The following PAICS variants were observed in gnomAD, a reference collection of about 807,000 sequenced individuals.
The protein encoded by PAICS is bifunctional phosphoribosylaminoimidazole carboxylase/phosphoribosylaminoimidazole succinocarboxamide synthetase.
In PAICS, 33 loss-of-function variants were observed where a neutral mutation model predicts 53.7. The observed-to-expected ratio is 0.61, with a 90% CI of 0.47 to 0.82. The LOEUF (loss-of-function observed/expected upper bound fraction) is 0.82. Among genes scored for constraint, PAICS ranks in the 40% least tolerant of loss-of-function variants. PAICS has a pLI of 0.00. For synonymous variants in PAICS, 141 were observed against 167.2 expected (o/e 0.84, Z 1.21); for missense variants, 394 against 494.1 (o/e 0.80, Z 1.92).
upstream of PAICS, chr4:56,435,928 G>A: frequency 6.7e-7 from 1 of 1,496,696 alleles, no homozygotes; most frequent in East Asian, 2.9e-5. Flanking sequence ...GTCAAGACTT[G>A]GTACGCTCCA....
At chr4:56,438,348 T>C (rs1718129097) in intron 1 of PAICS, among the ~76,000 whole-genome samples, 4 of 133,852 alleles carry the variant, frequency 3.0e-5, no homozygotes, top group African/African-American at 8.1e-5. Context: ...AGTAAAATAA[T>C]AAAAAAAACT....
At chr4:56,449,008 T>C (rs944474447) in intron 5 of PAICS, among the ~76,000 whole-genome samples, 185 bp downstream of exon 5, 1 of 152,222 alleles carries the variant, frequency 6.6e-6, no homozygotes, top group African/African-American at 2.4e-5. Flanking sequence ...AATAATACTT[T>C]ACATTTATAA....
intron 3 of PAICS, among the ~76,000 whole-genome samples, chr4:56,448,013 T>C (rs959068085): frequency 6.8e-6 from 1 of 146,122 alleles, no homozygotes; most frequent in Non-Finnish European, 1.5e-5. Context: ...TTTTCTTTTT[T>C]TTTTTTTTTT....
intron 1 of PAICS, among the ~76,000 whole-genome samples, chr4:56,438,689 T>C (rs1412450834): frequency 6.6e-6 from 1 of 152,130 alleles, no homozygotes; most frequent in Non-Finnish European, 1.5e-5. Context: ...TCTGCCTGTC[T>C]CAGCCTCCCA....
At chr4:56,447,998 ATTTCT>A (rs1370493870) in intron 3 of PAICS, among the ~76,000 whole-genome samples, 3 of 132,342 alleles carry the variant, frequency 2.3e-5, no homozygotes, top group East Asian at 4.9e-4. Flanking sequence ...CTGGATCAAA[ATTTCT>A]TTTCTTTTTT....
the PAICS span, among the ~76,000 whole-genome samples, chr4:56,413,217 T>A: frequency 6.6e-6 from 1 of 152,202 alleles, no homozygotes; most frequent in Non-Finnish European, 1.5e-5. Context: ...TGGAGTGCAG[T>A]GGTGCAATCT....
At chr4:56,430,433 G>A in the PAICS span, among the ~76,000 whole-genome samples, 204 of 152,208 alleles carry the variant, frequency 1.3e-3, no homozygotes, top group African/African-American at 4.8e-3. Flanking sequence ...AGGTCTCTGC[G>A]AGGGCAGGGA....
upstream of PAICS, chr4:56,435,615 T>A (rs1172466149): frequency 2.0e-6 from 3 of 1,492,118 alleles, no homozygotes; most frequent in Non-Finnish European, 2.7e-6. Flanking sequence ...CCCCAGCTAC[T>A]GCGGCGGCGC....
the PAICS span, among the ~76,000 whole-genome samples, chr4:56,419,278 A>C: frequency 6.6e-6 from 1 of 152,236 alleles, no homozygotes; most frequent in African/African-American, 2.4e-5. Flanking sequence ...TTTCTATAGT[A>C]AATGCTACAC....
the PAICS span, chr4:56,419,853 T>C: frequency 1.0e-6 from 1 of 984,432 alleles, no homozygotes; most frequent in Non-Finnish European, 1.2e-6. Context: ...CAGAACAAAA[T>C]ACAAAAACCT....
chr4:56,459,274 C>A, intron 8 of PAICS, 98 bp from the exon 9 acceptor site: 1 of 677,274 alleles, frequency 1.5e-6, no homozygotes. Flanking sequence ...TTTTTATTTT[C>A]TGTGGCAGGA....
upstream of PAICS, among the ~76,000 whole-genome samples, chr4:56,432,202 T>G (rs1373124364): frequency 6.6e-6 from 1 of 152,110 alleles, no homozygotes; most frequent in Non-Finnish European, 1.5e-5. Flanking sequence ...ACAAAAGTGA[T>G]AGAAATCTCA....
At chr4:56,425,478 C>T in the PAICS span, 4 of 533,774 alleles carry the variant, frequency 7.5e-6, no homozygotes, top group Non-Finnish European at 9.6e-6. Flanking sequence ...ATCTTAAATA[C>T]AGGCAACTTG....
In PAICS at chr4:56,462,802, AC is replaced by A. The variant is rs374109898; in HGVS notation, c.*3266del. 2.0e-5 allele frequency: 3 copies of A among 152,148 alleles called. No homozygotes were observed. In the East Asian group the frequency reaches 5.8e-4, roughly 29 times the overall value. The allele number at this position is 152,148 out of a possible 1,614,324, so 9.4% of individuals were successfully genotyped here. On this transcript the variant is annotated 3_prime_UTR_variant, in exon 9 of 9. Transcript: ENST00000512576. ...GATCACCTGAGATCAGGAGTTCGAGACCAGCCTGACCAACATGGAGAAACCC... is the reference window on the plus strand; with the variant it reads ...GATCACCTGAGATCAGGAGTTCGAGACAGCCTGACCAACATGGAGAAACCC...
At chr4:56,424,119 T>C in the PAICS span, among the ~76,000 whole-genome samples, 1 of 152,230 alleles carries the variant, frequency 6.6e-6, no homozygotes, top group Non-Finnish European at 1.5e-5. Context: ...TTATTAATAA[T>C]AGCTCCATAT....
chr4:56,453,661 A>T lies in PAICS; in HGVS notation c.1011A>T (p.Pro337=), dbSNP rs758835088. 2.7e-5 allele frequency: 42 copies of T among 1,577,052 alleles called. No individual in the cohort carries two copies. The highest frequency in any genetic ancestry group is 1.2e-5 in the South Asian group (1 of 86,384). The change falls in exon 8 of 9, where the codon CCA becomes CCT. Residue 337 remains proline (P), a synonymous_variant. Transcript: ENST00000512576. ...AVAGRSNGLG[P]VMSGNTAYPV... ...CAGGCAGAAGTAATGGTTTGGGACC[A>T]GTGATGTCTGGGAACACTGCATATC...
intron 8 of PAICS, among the ~76,000 whole-genome samples, chr4:56,458,493 G>C (rs1719339782): frequency 1.3e-5 from 2 of 152,164 alleles, no homozygotes; most frequent in Non-Finnish European, 2.9e-5. Flanking sequence ...ACATCAGGTA[G>C]CTACTAGTTA....
chr4:56,436,120 G>A (rs1344036894), upstream of PAICS: 3 of 1,476,318 alleles, frequency 2.0e-6, no homozygotes, highest in Non-Finnish European at 1.8e-6. Flanking sequence ...GCGTTGTTTC[G>A]TCCGATATCC....
At chr4:56,434,214 C>A (rs1391328774), upstream of PAICS, among the ~76,000 whole-genome samples, 3 of 152,140 alleles carry the variant, frequency 2.0e-5, no homozygotes. Flanking sequence ...AAACAAGGAA[C>A]ACACAAAATG....
Sources: gnomAD v4.1 joint callset for allele counts (sites outside exome capture counted in the v4.1 genomes callset) on GRCh38, gnomAD v4.1.1 for gene constraint, MANE v1.5 for transcripts, NCBI Gene and HGNC (gene_info 2026-07-23, HGNC 2026-07-21) for gene names.